PLOD1: variants seen among roughly 807,000 people sequenced by gnomAD.
PLOD1 encodes the protein procollagen-lysine,2-oxoglutarate 5-dioxygenase 1.
A neutral mutation model predicts 94.7 loss-of-function variants in PLOD1; 70 were observed. The ratio of observed to expected loss-of-function variants is 0.74; its 90% CI spans 0.61 to 0.90. The LOEUF is 0.90. Among genes scored for constraint, PLOD1 ranks in the 40% least tolerant of loss-of-function variants. The pLI is 0.00. For missense variants in PLOD1, 905 were observed against 972.7 expected (o/e 0.93, Z 0.93); for synonymous variants, 417 against 400.2 (o/e 1.04, Z -0.50).
In PLOD1 at chr1:11,963,759, C is replaced by G. The variant is rs1645795562; in HGVS notation, c.1202+123C>G. On this transcript the variant is annotated intron_variant, in intron 11 of 18. Coordinates refer to ENST00000196061, the MANE Select transcript of PLOD1 (RefSeq NM_000302.4). The surrounding 1 kb of genome is among the most constrained non-coding windows in gnomAD (Gnocchi z 4.3). ...CCTCTTCCTCCTCTTTTTCCTTCTCCTGCTCCTCTTTCTCCTCCTCGTCTT... is the reference window on the plus strand; with the variant it reads ...CCTCTTCCTCCTCTTTTTCCTTCTCGTGCTCCTCTTTCTCCTCCTCGTCTT... 2.8e-6 allele frequency: 2 copies of G among 711,976 alleles called. No individual in the cohort carries two copies. Among genetic ancestry groups the G allele is most frequent in the East Asian group, 5.4e-5 (2 of 37,374 alleles). The allele number at this position is 711,976 out of a possible 1,614,324, so 44.1% of individuals were successfully genotyped here. A position where few individuals can be genotyped will look rare whatever the true frequency, so the allele number is the denominator to read the frequency against.
chr1:11,952,773 G>C lies in PLOD1; in HGVS notation c.579+38G>C, dbSNP rs368557643. On this transcript the variant is annotated intron_variant, in intron 5 of 18. Coordinates refer to ENST00000196061, the MANE Select transcript of PLOD1 (RefSeq NM_000302.4). The stretch of plus-strand genomic sequence containing the variant: ...GGGCGGGCCAAGGAGAGGGGGCTGG[G>C]GATCCACCGGCCAGGCTGCACGGGA... 50 of 1,426,060 alleles carry C rather than the reference G, an allele frequency of 3.5e-5. 1 individual carries two copies. The highest frequency in any genetic ancestry group is 1.6e-4 in the East Asian group (7 of 44,004). The allele number at this position is 1,426,060 out of a possible 1,614,324, so 88.3% of individuals were successfully genotyped here.
intron 3 of PLOD1, 88 bp downstream of exon 3, chr1:11,949,994 A>G: frequency 2.2e-6 from 3 of 1,374,004 alleles, no homozygotes; most frequent in Non-Finnish European, 3.1e-6. Flanking sequence ...ACATCGGGGA[A>G]GAAGGGGGAC....
At chr1:11,942,526 G>A (rs1645622079) in intron 1 of PLOD1, among the ~76,000 whole-genome samples, 1 of 152,186 alleles carries the variant, frequency 6.6e-6, no homozygotes, top group Non-Finnish European at 1.5e-5. Flanking sequence ...TAGACTGGAG[G>A]CCTCTTTAGG....
At position 11,970,669 on chromosome 1, in the gene PLOD1, G is replaced by A. The variant is rs751236303; in HGVS notation, c.1756-1G>A. The A allele has an allele frequency of 6.2e-7, 1 of 1,613,100 alleles. No homozygotes were observed. Among genetic ancestry groups the A allele is most frequent in the East Asian group, 2.2e-5 (1 of 44,746 alleles). The stretch of plus-strand genomic sequence containing the variant: ...TAAACATTCACCTCGGTCACCTCCA[G>A]GACAACCGCATCCAGGGTGGCTACG... On this transcript the variant is annotated splice_acceptor_variant, in intron 16 of 18. Coordinates refer to ENST00000196061, the MANE Select transcript of PLOD1 (RefSeq NM_000302.4). LOFTEE classifies it high-confidence loss of function.
At chr1:11,969,710 G>A (rs554558947) in intron 16 of PLOD1, among the ~76,000 whole-genome samples, 2 of 152,304 alleles carry the variant, frequency 1.3e-5, no homozygotes, top group South Asian at 4.1e-4. Flanking sequence ...TGAGGCCCAG[G>A]ATTCCATTCC....
chr1:11,948,284 G>T (rs1015921045), intron 2 of PLOD1, among the ~76,000 whole-genome samples: 2 of 152,108 alleles, frequency 1.3e-5, no homozygotes, highest in Admixed American at 1.3e-4. Context: ...GAAAGAGTTG[G>T]CTAAAGAAAT....
At chr1:11,942,022 G>T (rs919093134) in intron 1 of PLOD1, among the ~76,000 whole-genome samples, 8 of 142,616 alleles carry the variant, frequency 5.6e-5, no homozygotes, top group African/African-American at 2.1e-4. Context: ...TCACCCTGTT[G>T]CCCAGGCTGG....
chr1:11,946,153 A>C (rs906472806), intron 1 of PLOD1, among the ~76,000 whole-genome samples: 1 of 152,218 alleles, frequency 6.6e-6, no homozygotes, highest in Non-Finnish European at 1.5e-5. Context: ...CAGAAGGGCT[A>C]GGGACTTGCC....
rs139113110 is a variant in PLOD1 at position 11,954,400 on chromosome 1, C to T, written c.580-430C>T. On this transcript the variant is annotated intron_variant, in intron 5 of 18. Coordinates refer to ENST00000196061, the MANE Select transcript of PLOD1 (RefSeq NM_000302.4). ...ACTCAGGAGTCTGAGGCAGGAGAAT[C>T]GCTTGAACCCAGGAGGCGGAGGTTG... is the stretch of plus-strand genomic sequence containing the variant. 1.5e-3 allele frequency: 626 copies of T among 410,986 alleles called. 2 individuals are homozygous for T. Among genetic ancestry groups the T allele is most frequent in the African/African-American group, 0.012 (568 of 48,538 alleles). The allele number at this position is 410,986 out of a possible 1,614,324, so 25.5% of individuals were successfully genotyped here.
intron 1 of PLOD1, among the ~76,000 whole-genome samples, chr1:11,936,851 C>CTT (rs111736832): frequency 0.4 from 55,641 of 140,794 alleles, 11,346 homozygotes; most frequent in East Asian, 0.59. Flanking sequence ...TCTTTTCTTT[C>CTT]TTTTTTTTTT....
chr1:11,949,746 C>G, intron 2 of PLOD1, 27 bp from the exon 3 acceptor site: 1 of 1,610,400 alleles, frequency 6.2e-7, no homozygotes. Context: ...TTACCAAAAG[C>G]CCGTGTTAAG....
Position 11,965,478 on chromosome 1 carries a change from A to T in PLOD1, c.1471-2A>T. On this transcript the variant is annotated splice_acceptor_variant, in intron 13 of 18. Transcript: ENST00000196061. LOFTEE classifies it high-confidence loss of function. ...CTCTTCCACCGGGCCTGTCCTCCCC[A>T]GGATGTGTTCATGTTCCTGACCAAC... 6.3e-7 allele frequency: 1 copy of T among 1,595,868 alleles called. No homozygotes were observed. Among genetic ancestry groups the T allele is most frequent in the African/African-American group, 1.3e-5 (1 of 74,608 alleles).
rs34032489 is a variant in PLOD1 at position 11,949,781 on chromosome 1, C to T, written c.177C>T (p.Gly59=). The change falls in exon 3 of 19, where the codon GGC becomes GGT. Residue 59 remains glycine (G), a synonymous_variant. Coordinates refer to ENST00000196061, the MANE Select transcript of PLOD1 (RefSeq NM_000302.4). The part of the protein sequence containing the change: ...QFFNYKIQAL[G]LGEDWNVEKG... Reference sequence around the variant, plus strand: ...GGGGTGTTTCTCTCCAGGCGCTTGGCCTAGGGGAGGACTGGAATGTGGAGA... The same window carrying T: ...GGGGTGTTTCTCTCCAGGCGCTTGGTCTAGGGGAGGACTGGAATGTGGAGA... 4.5e-3 allele frequency: 7,266 copies of T among 1,613,860 alleles called. 245 individuals carry two copies. In the African/African-American group the frequency reaches 0.086, roughly 19 times the overall value.
At chr1:11,965,422 G>A in intron 13 of PLOD1, 58 bp from the exon 14 acceptor site, 1 of 985,130 alleles carries the variant, frequency 1.0e-6, no homozygotes, top group Non-Finnish European at 1.6e-6. Flanking sequence ...TGCAGGGGAG[G>A]GGTGAGGGCA....
At chr1:11,965,411 G>C (rs936719030) in intron 13 of PLOD1, 69 bp from the exon 14 acceptor site, 1 of 913,896 alleles carries the variant, frequency 1.1e-6, no homozygotes, top group Non-Finnish European at 1.8e-6. Flanking sequence ...GTCTGGGAGC[G>C]TGCAGGGGAG....
chr1:11,962,307 C>T (rs552456201), intron 10 of PLOD1, among the ~76,000 whole-genome samples: 41 of 118,672 alleles, frequency 3.5e-4, no homozygotes, highest in African/African-American at 1.2e-3. Flanking sequence ...GATGGAGTCT[C>T]GCTCTGTCAC....
chr1:11,939,516 CAA>C, intron 1 of PLOD1, among the ~76,000 whole-genome samples: 1 of 152,262 alleles, frequency 6.6e-6, no homozygotes, highest in African/African-American at 2.4e-5. Flanking sequence ...GTGGCACAGT[CAA>C]ACCAGGGGTG....
rs778467079 is a variant in PLOD1 at position 11,974,847 on chromosome 1, C to T, written c.*39C>T. ...ACCCTCTTGGACCTTTCTTCTTTGCCGACAACCACTGCCCAGCAGCCTCTG... is the reference window on the plus strand; with the variant it reads ...ACCCTCTTGGACCTTTCTTCTTTGCTGACAACCACTGCCCAGCAGCCTCTG... On this transcript the variant is annotated 3_prime_UTR_variant, in exon 19 of 19. Coordinates refer to ENST00000196061, the MANE Select transcript of PLOD1 (RefSeq NM_000302.4). 6.2e-6 allele frequency: 10 copies of T among 1,609,424 alleles called. No individual in the cohort carries two copies. Among genetic ancestry groups the T allele is most frequent in the South Asian group, 4.4e-5 (4 of 90,978 alleles).
chr1:11,964,988 G>T (rs1445876397), intron 13 of PLOD1, among the ~76,000 whole-genome samples: 1 of 152,184 alleles, frequency 6.6e-6, no homozygotes, highest in Non-Finnish European at 1.5e-5. Flanking sequence ...TCAGGGGTCT[G>T]CAGGGACCAT....
Sources: gnomAD v4.1 joint callset for allele counts (sites outside exome capture counted in the v4.1 genomes callset) on GRCh38, gnomAD v4.1.1 for gene constraint, Gnocchi (gnomAD v3.1) non-coding constraint, MANE v1.5 for transcripts, NCBI Gene and HGNC (gene_info 2026-07-23, HGNC 2026-07-21) for gene names.